Variants in ARHGAP6 observed in about 807,000 individuals in gnomAD.
The protein encoded by ARHGAP6 is Rho GTPase activating protein 6, also known as rho GTPase-activating protein 6.
ARHGAP6 carries 16 observed loss-of-function variants against 55.7 expected under a neutral mutation model. The ratio of observed to expected loss-of-function variants is 0.29; its 90% CI spans 0.19 to 0.44. The LOEUF (loss-of-function observed/expected upper bound fraction) is 0.44, where lower values mean the gene tolerates loss of function less well. Among genes scored for constraint, ARHGAP6 ranks in the 20% least tolerant of loss-of-function variants. The pLI is 1.00. For missense variants in ARHGAP6, 698 were observed against 808.9 expected (o/e 0.86, Z 1.66); for synonymous variants, 382 against 360.9 (o/e 1.06, Z -0.66).
chrX:11,572,079 T>C (rs1172237193), intron 1 of ARHGAP6, among the ~76,000 whole-genome samples: 3 of 111,566 alleles, frequency 2.7e-5, no homozygotes, highest in Non-Finnish European at 5.7e-5. Flanking sequence ...TAACACCTGT[T>C]GAATAGGGCT....
At chrX:11,458,509 A>G (rs2050215038) in intron 1 of ARHGAP6, among the ~76,000 whole-genome samples, 1 of 112,557 alleles carries the variant, frequency 8.9e-6, no homozygotes, top group Non-Finnish European at 1.9e-5. Context: ...TACTACAGCC[A>G]AAAAGAGTAT....
intron 1 of ARHGAP6, among the ~76,000 whole-genome samples, chrX:11,452,350 G>A (rs898751270): frequency 2.7e-5 from 3 of 111,217 alleles, no homozygotes; most frequent in African/African-American, 9.8e-5. Flanking sequence ...GTTTCACCAT[G>A]TTGGCCAGGC....
At chrX:11,408,225 C>T (rs1367698846) in intron 1 of ARHGAP6, among the ~76,000 whole-genome samples, 4 of 110,845 alleles carry the variant, frequency 3.6e-5, no homozygotes, top group African/African-American at 6.6e-5. Context: ...CTGAAGTAAA[C>T]GTGTGTAAGG....
At chrX:11,219,136 T>C (rs1345168051) in intron 2 of ARHGAP6, among the ~76,000 whole-genome samples, 1 of 95,555 alleles carries the variant, frequency 1.0e-5, no homozygotes, top group African/African-American at 3.9e-5. Flanking sequence ...GAATATGCGG[T>C]GTTTGGTTTT....
At chrX:11,464,349 T>A (rs755483759) in intron 1 of ARHGAP6, among the ~76,000 whole-genome samples, 1 of 112,517 alleles carries the variant, frequency 8.9e-6, no homozygotes, top group South Asian at 3.7e-4. Flanking sequence ...CTCATATGAT[T>A]AATTTTTCTG....
intron 1 of ARHGAP6, among the ~76,000 whole-genome samples, chrX:11,656,973 C>G (rs1023139004): frequency 1.8e-5 from 2 of 112,044 alleles, no homozygotes; most frequent in African/African-American, 6.5e-5. Context: ...CCTTGCAGAG[C>G]CATACCTATT....
intron 10 of ARHGAP6, among the ~76,000 whole-genome samples, chrX:11,148,092 A>T (rs934525359): frequency 1.8e-5 from 2 of 111,917 alleles, no homozygotes; most frequent in African/African-American, 6.5e-5. Context: ...GATTTTCCAC[A>T]GGACACTCAG....
chrX:11,328,213 A>G (rs774192308), intron 1 of ARHGAP6, among the ~76,000 whole-genome samples: 1 of 112,294 alleles, frequency 8.9e-6, no homozygotes, highest in African/African-American at 3.2e-5. Context: ...TTGCACATAC[A>G]TCTCCAAACA....
At chrX:11,174,592 T>TTTTCTTTCTTTCTTTCTTTCTTTC (rs796990912) in intron 8 of ARHGAP6, among the ~76,000 whole-genome samples, 1 of 67,449 alleles carries the variant, frequency 1.5e-5, no homozygotes, top group African/African-American at 5.1e-5. Context: ...CTTTCTTTCT[T>TTTTCTTTCTTTCTTTCTTTCTTTC]TTTCTTTCTT....
At chrX:11,246,212 A>G (rs1266998302) in intron 2 of ARHGAP6, among the ~76,000 whole-genome samples, 1 of 111,457 alleles carries the variant, frequency 9.0e-6, no homozygotes, top group Non-Finnish European at 1.9e-5. Flanking sequence ...GACAATGATG[A>G]TGATGATGAT....
At chrX:11,241,866 C>T (rs780781715) in intron 2 of ARHGAP6, among the ~76,000 whole-genome samples, 1 of 111,405 alleles carries the variant, frequency 9.0e-6, no homozygotes, top group East Asian at 2.8e-4. Flanking sequence ...TTATGGTATT[C>T]TTAAGCAATA....
At chrX:11,576,096 T>C (rs913397886) in intron 1 of ARHGAP6, among the ~76,000 whole-genome samples, 2 of 112,128 alleles carry the variant, frequency 1.8e-5, no homozygotes, top group Non-Finnish European at 3.8e-5. Flanking sequence ...TTCCATGCTT[T>C]TTATGGGAAT....
At chrX:11,301,712 C>T (rs1192661128) in intron 1 of ARHGAP6, among the ~76,000 whole-genome samples, 2 of 112,086 alleles carry the variant, frequency 1.8e-5, no homozygotes, top group African/African-American at 6.5e-5. Flanking sequence ...ATTTATTAAG[C>T]ACACTCTAGG....
chrX:11,173,179 T>G (rs1207862030), intron 8 of ARHGAP6, among the ~76,000 whole-genome samples: 1 of 112,093 alleles, frequency 8.9e-6, no homozygotes, highest in Non-Finnish European at 1.9e-5. Context: ...TCTTCCTGTT[T>G]CCTCTTGCTG....
chrX:11,176,300 C>CATATAT (rs59647126), intron 8 of ARHGAP6, among the ~76,000 whole-genome samples: 250 of 15,581 alleles, frequency 0.016, 11 homozygotes, highest in Non-Finnish European at 0.026. Flanking sequence ...TATTTGCATG[C>CATATAT]ATATATATAT....
intron 1 of ARHGAP6, among the ~76,000 whole-genome samples, chrX:11,350,402 C>G (rs2048847665): frequency 8.9e-6 from 1 of 112,090 alleles, no homozygotes; most frequent in South Asian, 3.7e-4. Flanking sequence ...AAACCAAACT[C>G]CAGAGAGTTT....
chrX:11,601,631 A>T (rs1218640058), intron 1 of ARHGAP6, among the ~76,000 whole-genome samples: 1 of 112,319 alleles, frequency 8.9e-6, no homozygotes, highest in African/African-American at 3.2e-5. Context: ...GCTGAAGACA[A>T]ATATTTCATA....
At chrX:11,554,511 T>C (rs1305219508) in intron 1 of ARHGAP6, among the ~76,000 whole-genome samples, 1 of 112,131 alleles carries the variant, frequency 8.9e-6, no homozygotes, top group Non-Finnish European at 1.9e-5. Flanking sequence ...ATACCCTGAC[T>C]AAATCATTGC....
intron 1 of ARHGAP6, among the ~76,000 whole-genome samples, chrX:11,661,499 T>C (rs1006404734): frequency 1.8e-5 from 2 of 112,473 alleles, no homozygotes; most frequent in Non-Finnish European, 3.8e-5. Flanking sequence ...CTGCAGGCAT[T>C]TGTGAGAGTC....
Sources: gnomAD v4.1 joint callset for allele counts (sites outside exome capture counted in the v4.1 genomes callset) on GRCh38, gnomAD v4.1.1 for gene constraint, MANE v1.5 for transcripts, NCBI Gene and HGNC (gene_info 2026-07-23, HGNC 2026-07-21) for gene names.